Variants in ERBB4 observed in about 807,000 individuals in gnomAD.
The protein encoded by ERBB4 is receptor tyrosine-protein kinase erbB-4.
A neutral mutation model predicts 158.0 loss-of-function variants in ERBB4; 42 were observed. The observed-to-expected ratio is 0.27, with a 90% confidence interval of 0.21 to 0.34. The LOEUF (loss-of-function observed/expected upper bound fraction) is 0.34, where lower values mean the gene tolerates loss of function less well. Ranked by LOEUF, ERBB4 falls within the 10% of genes least tolerant of loss-of-function variation. The pLI is 1.00. For missense variants in ERBB4, 1,333 were observed against 1,624.1 expected, an observed-to-expected ratio of 0.82 and a Z score of 3.08; for synonymous variants, 583 against 558.7, an observed-to-expected ratio of 1.04 and a Z score of -0.61.
At chr2:212,171,728 G>A (rs1000541421) in intron 1 of ERBB4, among the ~76,000 whole-genome samples, 6 of 152,102 alleles carry the variant, frequency 3.9e-5, no homozygotes, top group Admixed American at 6.6e-5. Flanking sequence ...CTGCTGCCAC[G>A]TAAGACACGC....
intron 19 of ERBB4, among the ~76,000 whole-genome samples, chr2:211,576,678 A>T (rs1316405506): frequency 6.6e-6 from 1 of 152,174 alleles, no homozygotes; most frequent in Non-Finnish European, 1.5e-5. Flanking sequence ...CTACTCTTAA[A>T]TAGCCAATAT....
chr2:211,882,548 A>T (rs1321784791), intron 3 of ERBB4, among the ~76,000 whole-genome samples: 3 of 152,228 alleles, frequency 2.0e-5, no homozygotes, highest in Non-Finnish European at 4.4e-5. Flanking sequence ...TTGCAAAAAT[A>T]GATAATAAAA....
intron 5 of ERBB4, among the ~76,000 whole-genome samples, chr2:211,730,259 A>C (rs949705879): frequency 1.3e-5 from 2 of 152,006 alleles, no homozygotes; most frequent in Non-Finnish European, 1.5e-5. Context: ...TTTACTAATT[A>C]AATATTTATT....
intron 1 of ERBB4, among the ~76,000 whole-genome samples, chr2:212,256,931 T>G (rs566414905): frequency 6.6e-6 from 1 of 152,298 alleles, no homozygotes; most frequent in East Asian, 1.9e-4. Flanking sequence ...TCAACATTTA[T>G]TTTAGATTTA....
intron 3 of ERBB4, among the ~76,000 whole-genome samples, chr2:211,914,166 G>C (rs777978375): frequency 1.3e-5 from 2 of 151,234 alleles, no homozygotes; most frequent in South Asian, 2.1e-4. Flanking sequence ...ACCCAAGATA[G>C]AGATATAAGA....
At chr2:211,387,864 A>T (rs1175300349) in intron 26 of ERBB4, 81 bp downstream of exon 26, 1 of 1,111,228 alleles carries the variant, frequency 9.0e-7, no homozygotes, top group African/African-American at 1.5e-5. Flanking sequence ...AAATGAGGAA[A>T]TTATGCAGAG....
chr2:211,743,726 C>T (rs754768902), intron 5 of ERBB4, among the ~76,000 whole-genome samples: 3 of 152,250 alleles, frequency 2.0e-5, no homozygotes, highest in East Asian at 1.9e-4. Flanking sequence ...GTTTGTCTCC[C>T]CTGACACGAC....
intron 3 of ERBB4, among the ~76,000 whole-genome samples, chr2:211,934,824 C>T (rs2080269278): frequency 1.3e-5 from 2 of 149,838 alleles, no homozygotes; most frequent in Admixed American, 1.4e-4. Flanking sequence ...GCATACTTTT[C>T]AATGTAAGAA....
intron 20 of ERBB4, among the ~76,000 whole-genome samples, chr2:211,533,686 G>T (rs2066565597): frequency 6.6e-6 from 1 of 151,916 alleles, no homozygotes; most frequent in Admixed American, 6.6e-5. Context: ...TGAATAAGTG[G>T]TAAATCTAGA....
At chr2:211,922,335 A>G (rs1359685223) in intron 3 of ERBB4, among the ~76,000 whole-genome samples, 1 of 152,192 alleles carries the variant, frequency 6.6e-6, no homozygotes, top group Non-Finnish European at 1.5e-5. Context: ...TGTATGAACA[A>G]GAGTGACGTG....
At chr2:211,859,452 C>T (rs1382966905) in intron 3 of ERBB4, among the ~76,000 whole-genome samples, 1 of 152,014 alleles carries the variant, frequency 6.6e-6, no homozygotes, top group Non-Finnish European at 1.5e-5. Context: ...TGTAATATAC[C>T]TATTTTGTAT....
intron 1 of ERBB4, among the ~76,000 whole-genome samples, chr2:212,134,930 C>T (rs2080226334): frequency 6.6e-6 from 1 of 152,060 alleles, no homozygotes. Flanking sequence ...TCGTGATCCG[C>T]CTGCCTCGGC....
chr2:211,811,494 G>A (rs1025701750), intron 3 of ERBB4, among the ~76,000 whole-genome samples: 7 of 151,988 alleles, frequency 4.6e-5, no homozygotes, highest in Non-Finnish European at 7.4e-5. Context: ...TATGTGTCTC[G>A]GGGTTGCTCT....
At position 212,345,265 on chromosome 2, in the gene ERBB4, C is replaced by CAAAAAAAAAAAAAAAAA. The variant is rs367985477; in HGVS notation, c.82+193183_82+193184insTTTTTTTTTTTTTTTTT. On this transcript the variant is annotated intron_variant, in intron 1 of 27. Transcript: ENST00000342788. ...TGGGGGACAGAGCAAGACTCCGTCTCAAAAAAAAAAAAGCACTAAACACAT... is the reference window on the plus strand; with the variant it reads ...TGGGGGACAGAGCAAGACTCCGTCTCAAAAAAAAAAAAAAAAAAAAAAAAAAAAAGCACTAAACACAT... 3.3e-4 allele frequency among the ~76,000 whole-genome samples: 26 copies of CAAAAAAAAAAAAAAAAA among 77,686 alleles called. 2 individuals are homozygous for CAAAAAAAAAAAAAAAAA. The highest frequency in any genetic ancestry group is 4.5e-4 in the African/African-American group (8 of 17,624). 51.0% of individuals were successfully genotyped at this position (77,686 alleles called of 152,430 possible).
At chr2:212,278,282 G>A (rs1175211235) in intron 1 of ERBB4, among the ~76,000 whole-genome samples, 1 of 151,570 alleles carries the variant, frequency 6.6e-6, no homozygotes, top group Non-Finnish European at 1.5e-5. Context: ...TCTGTTCATG[G>A]GCCAACTCAT....
chr2:211,456,827 G>T (rs1393895500), intron 20 of ERBB4, among the ~76,000 whole-genome samples: 2 of 152,152 alleles, frequency 1.3e-5, no homozygotes, highest in East Asian at 1.9e-4. Flanking sequence ...AGAATCTAAT[G>T]CTGCTGCTGA....
chr2:211,515,564 T>C (rs927512161), intron 20 of ERBB4, among the ~76,000 whole-genome samples: 1 of 151,972 alleles, frequency 6.6e-6, no homozygotes, highest in African/African-American at 2.4e-5. Context: ...GTTAGACACA[T>C]TGAATATGCC....
At chr2:212,297,803 GA>G (rs1470491198) in intron 1 of ERBB4, among the ~76,000 whole-genome samples, 5 of 151,546 alleles carry the variant, frequency 3.3e-5, no homozygotes, top group Non-Finnish European at 7.4e-5. Flanking sequence ...TATATCAAAT[GA>G]CCAATAGCAA....
At chr2:212,013,101 G>T (rs1190014271) in intron 2 of ERBB4, among the ~76,000 whole-genome samples, 2 of 150,012 alleles carry the variant, frequency 1.3e-5, no homozygotes, top group Non-Finnish European at 3.0e-5. Flanking sequence ...CTGTCGCCCA[G>T]GCTGGATTGC....
Sources: gnomAD v4.1 joint callset for allele counts (sites outside exome capture counted in the v4.1 genomes callset) on GRCh38, gnomAD v4.1.1 for gene constraint, MANE v1.5 for transcripts, NCBI Gene and HGNC (gene_info 2026-07-23, HGNC 2026-07-21) for gene names.